Variants in ZMYM4 observed in about 807,000 individuals in gnomAD.
ZMYM4 encodes the protein zinc finger MYM-type containing 4, also known as zinc finger MYM-type protein 4.
A neutral mutation model predicts 183.2 loss-of-function variants in ZMYM4; 31 were observed. The ratio of observed to expected loss-of-function variants is 0.17; its 90% CI spans 0.13 to 0.23. The LOEUF (loss-of-function observed/expected upper bound fraction) is 0.23, where lower values mean the gene tolerates loss of function less well. Ranked by LOEUF, ZMYM4 falls within the 10% of genes least tolerant of loss-of-function variation. The pLI, the probability that ZMYM4 is intolerant of heterozygous loss-of-function variation, is 1.00. For synonymous variants in ZMYM4, 592 were observed against 631.2 expected, an observed-to-expected ratio of 0.94 and a Z score of 0.93; for missense variants, 1,273 against 1,840.3, an observed-to-expected ratio of 0.69 and a Z score of 5.64.
intron 1 of ZMYM4, among the ~76,000 whole-genome samples, chr1:35,308,025 G>T (rs528626077): frequency 2.0e-5 from 3 of 149,088 alleles, no homozygotes; most frequent in African/African-American, 7.4e-5. Flanking sequence ...ATGGAATCTC[G>T]ATATCACCCA....
chr1:35,419,445 CTTTT>C, intron 29 of ZMYM4, 21 bp from the exon 30 acceptor site: 1 of 1,180,564 alleles, frequency 8.5e-7, no homozygotes, highest in South Asian at 1.5e-5. Flanking sequence ...TCTTTTTTCT[CTTTT>C]TTTTTTTCCC....
At chr1:35,344,164 G>C (rs943269632) in intron 2 of ZMYM4, among the ~76,000 whole-genome samples, 1 of 150,906 alleles carries the variant, frequency 6.6e-6, no homozygotes, top group Non-Finnish European at 1.5e-5. Context: ...AGCGATTCTC[G>C]TGCCTCAGCC....
chr1:35,276,955 AT>A (rs1338431068), intron 1 of ZMYM4, among the ~76,000 whole-genome samples: 1 of 152,092 alleles, frequency 6.6e-6, no homozygotes. Flanking sequence ...TTCCCATGCT[AT>A]TTATTTGTTG....
chr1:35,286,164 A>C lies in ZMYM4; in HGVS notation c.39+17079A>C, dbSNP rs570254866. Among the ~76,000 whole-genome samples, 6 of 152,340 alleles carry C rather than the reference A, an allele frequency of 3.9e-5. No individual in the cohort carries two copies. The East Asian group carries it at 7.7e-4, about 20-fold the overall frequency. On this transcript the variant is annotated intron_variant, in intron 1 of 29. Transcript: ENST00000314607. ...ATACCCTTAAAGTTATGCCAAAAAC[A>C]AAACTGTGCAAGTTAGTAAGAAATT... is the stretch of plus-strand genomic sequence containing the variant.
At chr1:35,345,480 T>G (rs1478673527) in intron 2 of ZMYM4, among the ~76,000 whole-genome samples, 3 of 152,052 alleles carry the variant, frequency 2.0e-5, no homozygotes, top group African/African-American at 7.2e-5. Context: ...AAGACAGGTT[T>G]TTACTCCTGT....
intron 7 of ZMYM4, among the ~76,000 whole-genome samples, chr1:35,377,598 A>G (rs1338475003): frequency 1.3e-5 from 2 of 152,252 alleles, no homozygotes; most frequent in Non-Finnish European, 2.9e-5. Flanking sequence ...CCCAGTTCAT[A>G]TCAAAGTTGT....
chr1:35,388,475 G>T (rs894006229), intron 13 of ZMYM4, among the ~76,000 whole-genome samples: 3 of 152,162 alleles, frequency 2.0e-5, no homozygotes, highest in African/African-American at 7.2e-5. Context: ...AGAGTGCTGG[G>T]ATTACAGGTG....
chr1:35,404,685 T>C (rs1049891149), intron 23 of ZMYM4, among the ~76,000 whole-genome samples: 1 of 152,222 alleles, frequency 6.6e-6, no homozygotes, highest in African/African-American at 2.4e-5. Context: ...GCACAGAATA[T>C]GATCTGTTTA....
chr1:35,270,658 G>T (rs973627277), intron 1 of ZMYM4, among the ~76,000 whole-genome samples: 2 of 152,118 alleles, frequency 1.3e-5, no homozygotes, highest in African/African-American at 2.4e-5. Flanking sequence ...TATTCGGGAG[G>T]CTGAGGCAGG....
At position 35,421,010 on chromosome 1, in the gene ZMYM4, A is replaced by G. The variant is rs1380631140; in HGVS notation, c.*1333A>G. The G allele has an allele frequency of 1.3e-5, 2 of 152,270 alleles. No homozygotes were observed. The highest frequency in any genetic ancestry group is 4.8e-5 in the African/African-American group (2 of 41,454). 9.4% of individuals were successfully genotyped at this position (152,270 alleles called of 1,614,324 possible). A position where few individuals can be genotyped will look rare whatever the true frequency, so the allele number is the denominator to read the frequency against. On this transcript the variant is annotated 3_prime_UTR_variant, in exon 30 of 30. Transcript: ENST00000314607. ...CAGTTTCTTCCCCACAAAATTTGGA[A>G]TCAAAGCTTTTATGACGTTTGCCAA...
intron 1 of ZMYM4, among the ~76,000 whole-genome samples, chr1:35,282,701 G>A (rs928391858): frequency 3.3e-5 from 5 of 152,104 alleles, no homozygotes; most frequent in Non-Finnish European, 5.9e-5. Flanking sequence ...GACTGCAGAT[G>A]TGCAACACTA....
intron 18 of ZMYM4, among the ~76,000 whole-genome samples, chr1:35,395,092 A>G (rs1024975984): frequency 6.6e-6 from 1 of 152,122 alleles, no homozygotes; most frequent in Admixed American, 6.6e-5. Flanking sequence ...GTAGATTCTT[A>G]TTCAGTGAGG....
intron 1 of ZMYM4, among the ~76,000 whole-genome samples, chr1:35,320,151 G>A (rs1471133360): frequency 2.6e-5 from 4 of 152,228 alleles, no homozygotes; most frequent in Non-Finnish European, 4.4e-5. Context: ...TGTGGATTGT[G>A]TACTAATGAG....
chr1:35,318,329 A>T (rs755641272), intron 1 of ZMYM4, among the ~76,000 whole-genome samples: 1 of 152,122 alleles, frequency 6.6e-6, no homozygotes, highest in Non-Finnish European at 1.5e-5. Flanking sequence ...AAATGCTGGG[A>T]TTATAGGGGT....
chr1:35,389,509 C>CT lies in ZMYM4; in HGVS notation c.2436+430dup, dbSNP rs1290949276. 6.6e-6 allele frequency among the ~76,000 whole-genome samples: 1 copy of CT among 152,008 alleles called. No individual in the cohort carries two copies. The highest frequency in any genetic ancestry group is 1.5e-5 in the Non-Finnish European group (1 of 67,996). ...GTGGCTCACGCCTGTAATCCCAGCACTTTGGGAGGCCGAGGCGGGTGGATC... is the reference window on the plus strand; with the variant it reads ...GTGGCTCACGCCTGTAATCCCAGCACTTTTGGGAGGCCGAGGCGGGTGGATC... On this transcript the variant is annotated intron_variant, in intron 14 of 29. Coordinates refer to ENST00000314607, the MANE Select transcript of ZMYM4 (RefSeq NM_005095.3). This position sits in a 1 kb window ranked among gnomAD's most constrained non-coding sequence, Gnocchi z 4.0.
At chr1:35,405,313 T>G in intron 24 of ZMYM4, 60 bp from the exon 25 acceptor site, 1 of 1,579,026 alleles carries the variant, frequency 6.3e-7, no homozygotes, top group Non-Finnish European at 8.6e-7. Flanking sequence ...GGGCTTTACT[T>G]AATTTTTTCC....
At chr1:35,370,208 C>T (rs372670648) in intron 6 of ZMYM4, 95 bp downstream of exon 6, 3 of 1,534,534 alleles carry the variant, frequency 2.0e-6, no homozygotes, top group East Asian at 2.3e-5. Flanking sequence ...GCAGCTCTCT[C>T]TACCCACTTA....
At chr1:35,299,394 T>G (rs1641169325) in intron 1 of ZMYM4, among the ~76,000 whole-genome samples, 2 of 152,134 alleles carry the variant, frequency 1.3e-5, no homozygotes, top group African/African-American at 2.4e-5. Flanking sequence ...GAAAGTAAAC[T>G]TCACAGTGTG....
intron 1 of ZMYM4, among the ~76,000 whole-genome samples, chr1:35,284,177 C>T (rs1640351443): frequency 6.6e-6 from 1 of 151,792 alleles, no homozygotes; most frequent in Non-Finnish European, 1.5e-5. Context: ...GGGGTTTCAC[C>T]TTGTTAGCCA....
Sources: gnomAD v4.1 joint callset for allele counts (sites outside exome capture counted in the v4.1 genomes callset) on GRCh38, gnomAD v4.1.1 for gene constraint, Gnocchi (gnomAD v3.1) non-coding constraint, MANE v1.5 for transcripts, NCBI Gene and HGNC (gene_info 2026-07-23, HGNC 2026-07-21) for gene names.